The following KCNQ5 variants were observed in gnomAD, a reference collection of about 807,000 sequenced individuals.
KCNQ5 encodes potassium voltage-gated channel subfamily Q member 5.
In KCNQ5, 30 loss-of-function variants were observed where a neutral mutation model predicts 98.2. The ratio of observed to expected loss-of-function variants is 0.31; its 90% CI spans 0.23 to 0.41. The LOEUF is 0.41. Among genes scored for constraint, KCNQ5 ranks in the 10% least tolerant of loss-of-function variants. The pLI, the probability that KCNQ5 is intolerant of heterozygous loss-of-function variation, is 1.00. For missense variants in KCNQ5, 835 were observed against 1,182.5 expected (o/e 0.71, Z 4.31); for synonymous variants, 458 against 449.4 (o/e 1.02, Z -0.24).
chr6:72,688,861 T>C (rs1178254913), intron 1 of KCNQ5, among the ~76,000 whole-genome samples: 1 of 152,230 alleles, frequency 6.6e-6, no homozygotes. Context: ...TGTGTTTTTT[T>C]CTCATTGTAA....
chr6:72,712,548 C>T (rs111513893), intron 1 of KCNQ5, among the ~76,000 whole-genome samples: 24 of 152,248 alleles, frequency 1.6e-4, no homozygotes, highest in African/African-American at 5.3e-4. Flanking sequence ...TTGGAACTAC[C>T]TTTGAAAGCA....
intron 1 of KCNQ5, chr6:72,986,781 C>T: frequency 6.8e-7 from 1 of 1,465,748 alleles, no homozygotes; most frequent in South Asian, 1.1e-5. Flanking sequence ...GAAGAGGAAA[C>T]CAGAGTTGGC....
chr6:72,759,164 A>G (rs1033106279), intron 1 of KCNQ5, among the ~76,000 whole-genome samples: 4 of 152,164 alleles, frequency 2.6e-5, no homozygotes, highest in African/African-American at 9.6e-5. Context: ...CAGAGTTGGC[A>G]TTAAATCCAA....
At chr6:73,158,389 C>T (rs1452159017) in intron 10 of KCNQ5, among the ~76,000 whole-genome samples, 2 of 151,994 alleles carry the variant, frequency 1.3e-5, no homozygotes, top group East Asian at 3.9e-4. Context: ...GCCTCGGCCT[C>T]CCGAGTAGCT....
intron 1 of KCNQ5, among the ~76,000 whole-genome samples, chr6:72,654,128 A>G (rs1338857219): frequency 2.0e-5 from 3 of 152,066 alleles, no homozygotes; most frequent in Admixed American, 2.0e-4. Flanking sequence ...AGGGGAAAAC[A>G]GAAGGGAAAT....
intron 2 of KCNQ5, among the ~76,000 whole-genome samples, chr6:73,020,834 G>A (rs982303772): frequency 4.6e-5 from 7 of 152,014 alleles, no homozygotes; most frequent in African/African-American, 1.7e-4. Context: ...ATCACACCTT[G>A]CTACACACAG....
chr6:72,663,244 G>T (rs1038786526), intron 1 of KCNQ5, among the ~76,000 whole-genome samples: 3 of 152,216 alleles, frequency 2.0e-5, no homozygotes, highest in African/African-American at 7.2e-5. Flanking sequence ...AAACCTGCAC[G>T]TTCTGCACAT....
At chr6:72,779,274 G>A (rs940283935) in intron 1 of KCNQ5, among the ~76,000 whole-genome samples, 12 of 152,146 alleles carry the variant, frequency 7.9e-5, no homozygotes, top group African/African-American at 2.7e-4. Flanking sequence ...CCCAGGCCAG[G>A]GTCATAGGCA....
At chr6:73,052,250 A>G (rs893512742) in intron 3 of KCNQ5, among the ~76,000 whole-genome samples, 2 of 152,236 alleles carry the variant, frequency 1.3e-5, no homozygotes, top group Non-Finnish European at 1.5e-5. Flanking sequence ...TAAAGACACC[A>G]AATCTATGAC....
At chr6:72,708,625 A>G (rs540417004) in intron 1 of KCNQ5, among the ~76,000 whole-genome samples, 4 of 152,214 alleles carry the variant, frequency 2.6e-5, no homozygotes, top group Admixed American at 1.3e-4. Context: ...GGGCTCAAGC[A>G]ACCCTCCCAC....
intron 1 of KCNQ5, among the ~76,000 whole-genome samples, chr6:72,698,376 T>C (rs1288690107): frequency 6.6e-6 from 1 of 152,006 alleles, no homozygotes; most frequent in Admixed American, 6.6e-5. Flanking sequence ...GCTAATTTTG[T>C]GTTTTGAGTA....
At chr6:72,945,884 G>A (rs574520249) in intron 1 of KCNQ5, among the ~76,000 whole-genome samples, 11 of 152,162 alleles carry the variant, frequency 7.2e-5, no homozygotes, top group East Asian at 3.9e-4. Flanking sequence ...TATATTGACC[G>A]CTCACAAATT....
At chr6:72,889,565 A>G (rs968212636) in intron 1 of KCNQ5, among the ~76,000 whole-genome samples, 4 of 152,144 alleles carry the variant, frequency 2.6e-5, no homozygotes, top group Admixed American at 2.6e-4. Context: ...CTCAGCATCT[A>G]CTATGTGCCA....
chr6:72,784,159 G>A (rs1040555264), intron 1 of KCNQ5, among the ~76,000 whole-genome samples: 4 of 152,046 alleles, frequency 2.6e-5, no homozygotes, highest in Admixed American at 6.6e-5. Context: ...GCCAAGTGCT[G>A]TGATGGACAC....
intron 6 of KCNQ5, among the ~76,000 whole-genome samples, chr6:73,107,633 A>G (rs1207411533): frequency 1.4e-5 from 2 of 147,910 alleles, no homozygotes; most frequent in South Asian, 2.1e-4. Context: ...CCATAATGAA[A>G]CTCTAAACTA....
intron 10 of KCNQ5, chr6:73,158,147 G>A: frequency 2.7e-6 from 1 of 376,488 alleles, no homozygotes; most frequent in South Asian, 2.2e-5. Context: ...CCTGGTGCGG[G>A]GGAGGGGGCG....
At chr6:72,896,881 G>C (rs1368935703) in intron 1 of KCNQ5, among the ~76,000 whole-genome samples, 1 of 152,126 alleles carries the variant, frequency 6.6e-6, no homozygotes, top group Non-Finnish European at 1.5e-5. Context: ...CACTCCAAAA[G>C]AGGTCTCCTT....
chr6:72,931,712 G>C (rs529308518), intron 1 of KCNQ5, among the ~76,000 whole-genome samples: 1 of 152,238 alleles, frequency 6.6e-6, no homozygotes, highest in South Asian at 2.1e-4. Context: ...AAGCCTTCTT[G>C]TAAATTTCCT....
chr6:73,124,976 TATATACACACAC>T (rs1415221438), intron 9 of KCNQ5, among the ~76,000 whole-genome samples: 10 of 18,672 alleles, frequency 5.4e-4, no homozygotes, highest in African/African-American at 1.7e-3. Flanking sequence ...TATATATATA[TATATACACACAC>T]ACACATATAT....
Sources: gnomAD v4.1 joint callset for allele counts (sites outside exome capture counted in the v4.1 genomes callset) on GRCh38, gnomAD v4.1.1 for gene constraint, MANE v1.5 for transcripts, NCBI Gene and HGNC (gene_info 2026-07-23, HGNC 2026-07-21) for gene names.